The following STK39 variants were observed in gnomAD, a reference collection of about 807,000 sequenced individuals.
The protein encoded by STK39 is serine/threonine kinase 39.
In STK39, 20 loss-of-function variants were observed where a neutral mutation model predicts 77.8. The observed-to-expected ratio is 0.26, with a 90% CI of 0.18 to 0.37. The LOEUF (loss-of-function observed/expected upper bound fraction) is 0.37, where lower values mean the gene tolerates loss of function less well. Ranked by LOEUF, STK39 falls within the 10% of genes least tolerant of loss-of-function variation. The pLI is 1.00. For synonymous variants in STK39, 246 were observed against 234.1 expected (o/e 1.05, Z -0.47); for missense variants, 479 against 656.5 (o/e 0.73, Z 2.95).
At chr2:168,014,801 G>C (rs76836029) in intron 15 of STK39, among the ~76,000 whole-genome samples, 3,561 of 152,270 alleles carry the variant, frequency 0.023, 157 homozygotes, top group African/African-American at 0.079. Context: ...GTATCAGTAA[G>C]ATCTTACACT....
chr2:168,071,526 A>G (rs1370925460), intron 12 of STK39, among the ~76,000 whole-genome samples: 1 of 152,190 alleles, frequency 6.6e-6, no homozygotes, highest in South Asian at 2.1e-4. Flanking sequence ...GTTTACAGGT[A>G]TAAGGTGCAC....
rs552749616 is a variant in STK39 at position 168,129,931 on chromosome 2, A to T, written c.975-173T>A. Among the ~76,000 whole-genome samples, 58 of 152,302 alleles carry T rather than the reference A, an allele frequency of 3.8e-4. No homozygotes were observed. In the East Asian group the frequency reaches 0.011, roughly 28 times the overall value. On this transcript the variant is annotated intron_variant, in intron 8 of 17. Coordinates refer to ENST00000355999, the MANE Select transcript of STK39 (RefSeq NM_013233.3). ...CCAAATAAAATAGTGCCAATTTTCC[A>T]GTTCTTTCCAAATACCTCTACTGCA...
intron 16 of STK39, among the ~76,000 whole-genome samples, chr2:167,977,507 G>C (rs1198787877): frequency 6.7e-6 from 1 of 150,158 alleles, no homozygotes; most frequent in Non-Finnish European, 1.5e-5. Context: ...TTGAAATAAA[G>C]TCATGTTTAC....
At position 168,164,563 on chromosome 2, in the gene STK39, C is replaced by G. The variant is rs771315104; in HGVS notation, c.431-683G>C. Among the ~76,000 whole-genome samples, 8 of 152,230 alleles carry G rather than the reference C, an allele frequency of 5.3e-5. No individual in the cohort carries two copies. In the South Asian group the frequency reaches 8.3e-4, roughly 16 times the overall value. ...CTGGGACTACAAGTACGTGCCACCACGCCTGGCTAATTTTTGTATTTTTTG... is the reference window on the plus strand; with the variant it reads ...CTGGGACTACAAGTACGTGCCACCAGGCCTGGCTAATTTTTGTATTTTTTG... On this transcript the variant is annotated intron_variant, in intron 3 of 17. Coordinates refer to ENST00000355999, the MANE Select transcript of STK39 (RefSeq NM_013233.3).
At chr2:168,223,907 T>G (rs1690241691) in intron 1 of STK39, among the ~76,000 whole-genome samples, 1 of 152,112 alleles carries the variant, frequency 6.6e-6, no homozygotes, top group African/African-American at 2.4e-5. Flanking sequence ...CCCAGAATTT[T>G]GACTTTGAAT....
intron 14 of STK39, among the ~76,000 whole-genome samples, chr2:168,018,598 G>T (rs193004357): frequency 3.4e-4 from 51 of 149,244 alleles, no homozygotes; most frequent in African/African-American, 8.1e-4. Flanking sequence ...AAGAAAGAAA[G>T]AAATTGCAGT....
At chr2:168,139,983 C>T (rs12612465) in intron 7 of STK39, among the ~76,000 whole-genome samples, 23,755 of 152,154 alleles carry the variant, frequency 0.16, 1,969 homozygotes, top group East Asian at 0.25. Flanking sequence ...GGGAACCTGG[C>T]GTTGTTCTGC....
chr2:168,218,937 CA>C (rs1309713899), intron 1 of STK39, among the ~76,000 whole-genome samples: 1 of 151,754 alleles, frequency 6.6e-6, no homozygotes, highest in African/African-American at 2.4e-5. Context: ...TTTTATTCTT[CA>C]GGAACTTAAA....
At chr2:168,081,958 T>A (rs1460550749) in intron 10 of STK39, among the ~76,000 whole-genome samples, 1 of 152,210 alleles carries the variant, frequency 6.6e-6, no homozygotes, top group African/African-American at 2.4e-5. Flanking sequence ...TATAAGCCCA[T>A]TAAACCTCTA....
At chr2:168,102,198 G>A (rs1306649921) in intron 10 of STK39, among the ~76,000 whole-genome samples, 10 of 151,098 alleles carry the variant, frequency 6.6e-5, no homozygotes, top group Admixed American at 6.6e-4. Context: ...TAGAATTTCT[G>A]GGCCATATGC....
chr2:168,247,081 A>AAAC (rs1690936832), intron 1 of STK39, 147 bp downstream of exon 1: 1 of 287,872 alleles, frequency 3.5e-6, no homozygotes, highest in African/African-American at 2.4e-5. Flanking sequence ...AAAAAAAAAA[A>AAAC]AAAAAAAACT....
chr2:168,219,930 C>T (rs531963311), intron 1 of STK39, among the ~76,000 whole-genome samples: 4 of 150,622 alleles, frequency 2.7e-5, no homozygotes, highest in South Asian at 2.1e-4. Context: ...ATCATCCAAG[C>T]ATTATCTGCT....
chr2:168,219,089 A>G (rs1690097885), intron 1 of STK39, among the ~76,000 whole-genome samples: 1 of 152,126 alleles, frequency 6.6e-6, no homozygotes, highest in Non-Finnish European at 1.5e-5. Context: ...CATAATTTGT[A>G]TATTAAGGAA....
chr2:168,062,280 G>A (rs1346253960), intron 14 of STK39, among the ~76,000 whole-genome samples: 1 of 152,052 alleles, frequency 6.6e-6, no homozygotes, highest in Non-Finnish European at 1.5e-5. Context: ...CATAAATACG[G>A]GCTGAATTAA....
At chr2:168,136,353 G>A (rs1329705454) in intron 8 of STK39, among the ~76,000 whole-genome samples, 1 of 141,602 alleles carries the variant, frequency 7.1e-6, no homozygotes, top group Admixed American at 7.2e-5. Context: ...CAGTGACAGA[G>A]CAAGACTCCG....
chr2:167,963,224 CAT>C (rs1319361979), intron 17 of STK39, among the ~76,000 whole-genome samples: 1 of 152,070 alleles, frequency 6.6e-6, no homozygotes, highest in Non-Finnish European at 1.5e-5. Context: ...ATTTAAGAAA[CAT>C]ATAAGCTGAT....
intron 10 of STK39, among the ~76,000 whole-genome samples, chr2:168,125,948 T>C (rs1436176188): frequency 6.6e-6 from 1 of 152,192 alleles, no homozygotes; most frequent in Non-Finnish European, 1.5e-5. Context: ...TGGGGCTTTC[T>C]AAGAACAGCC....
At chr2:168,193,777 G>A (rs1574544264) in intron 1 of STK39, among the ~76,000 whole-genome samples, 1 of 152,224 alleles carries the variant, frequency 6.6e-6, no homozygotes, top group Non-Finnish European at 1.5e-5. Context: ...TGCTTATTTA[G>A]TTAGTATGGG....
At chr2:168,177,502 T>A (rs949709335) in intron 2 of STK39, among the ~76,000 whole-genome samples, 2 of 152,124 alleles carry the variant, frequency 1.3e-5, no homozygotes, top group African/African-American at 2.4e-5. Context: ...TGAACCAAAA[T>A]GTTCATCAAT....
Sources: allele counts gnomAD v4.1 joint callset (sites outside exome capture counted in the v4.1 genomes callset), GRCh38; gene constraint gnomAD v4.1.1; transcripts MANE v1.5; gene names NCBI Gene and HGNC (gene_info 2026-07-23, HGNC 2026-07-21).